Variants in CCDC148 observed in about 807,000 individuals in gnomAD.
The protein encoded by CCDC148 is coiled-coil domain-containing protein 148.
Under a neutral mutation model 85.7 loss-of-function variants are expected in CCDC148, and 89 were observed. The ratio of observed to expected loss-of-function variants is 1.04; its 90% CI spans 0.87 to 1.24. The LOEUF (loss-of-function observed/expected upper bound fraction) is 1.24. Among genes scored for constraint, CCDC148 ranks in the 50% most tolerant of loss-of-function variants. The pLI is 0.00. For missense variants in CCDC148, 692 were observed against 671.7 expected (o/e 1.03, Z -0.33); for synonymous variants, 230 against 213.9 (o/e 1.08, Z -0.66).
At chr2:158,213,199 C>A (rs1363761368) in intron 11 of CCDC148, among the ~76,000 whole-genome samples, 1 of 152,108 alleles carries the variant, frequency 6.6e-6, no homozygotes, top group Non-Finnish European at 1.5e-5. Context: ...GTTCTTAGAA[C>A]CTGTAGCATC....
At chr2:158,405,917 A>AATAC (rs10660176) in intron 1 of CCDC148, among the ~76,000 whole-genome samples, 108,522 of 151,452 alleles carry the variant, frequency 0.72, 39,676 homozygotes, top group East Asian at 0.82. Flanking sequence ...TATGTGTATA[A>AATAC]ATACAAATAT....
intron 5 of CCDC148, 72 bp from the exon 6 acceptor site, chr2:158,339,157 T>C: frequency 8.7e-7 from 1 of 1,153,622 alleles, no homozygotes; most frequent in Non-Finnish European, 1.3e-6. Flanking sequence ...AAAGACACAA[T>C]AATTATTCTC....
intron 7 of CCDC148, among the ~76,000 whole-genome samples, chr2:158,324,228 T>C (rs1446601375): frequency 6.6e-6 from 1 of 152,104 alleles, no homozygotes; most frequent in Non-Finnish European, 1.5e-5. Context: ...AGGATAACTA[T>C]TTTTATTGTT....
intron 9 of CCDC148, among the ~76,000 whole-genome samples, chr2:158,276,006 T>A (rs113140170): frequency 0.012 from 1,790 of 151,000 alleles, 19 homozygotes; most frequent in Middle Eastern, 0.076. Context: ...AAAAAAAGAG[T>A]AAATGGATTT....
intron 11 of CCDC148, among the ~76,000 whole-genome samples, chr2:158,194,342 T>C (rs113439762): frequency 1.4e-4 from 21 of 152,298 alleles, no homozygotes; most frequent in African/African-American, 4.1e-4. Flanking sequence ...ATTGTCACAG[T>C]TGGGCCATGA....
chr2:158,443,095 G>T (rs76586432), intron 1 of CCDC148, among the ~76,000 whole-genome samples: 8,204 of 151,998 alleles, frequency 0.054, 415 homozygotes, highest in African/African-American at 0.13. Context: ...TTAAGGTAGG[G>T]GTAAGGTCCT....
intron 11 of CCDC148, among the ~76,000 whole-genome samples, chr2:158,212,445 TAGAG>T (rs897128502): frequency 1.3e-5 from 2 of 152,042 alleles, no homozygotes; most frequent in African/African-American, 2.4e-5. Flanking sequence ...ACATGGAAAA[TAGAG>T]AGAAACATCT....
intron 1 of CCDC148, among the ~76,000 whole-genome samples, chr2:158,452,693 T>C (rs1472563322): frequency 1.3e-5 from 2 of 152,208 alleles, no homozygotes; most frequent in African/African-American, 4.8e-5. Context: ...AGGCAGTGGA[T>C]TGGCTACATG....
At chr2:158,453,941 G>A (rs1338387298) in intron 1 of CCDC148, among the ~76,000 whole-genome samples, 1 of 152,128 alleles carries the variant, frequency 6.6e-6, no homozygotes, top group Non-Finnish European at 1.5e-5. Flanking sequence ...TCCCAAGGTG[G>A]CCAGGCTAGC....
intron 1 of CCDC148, among the ~76,000 whole-genome samples, chr2:158,395,101 G>T (rs370842405): frequency 4.0e-5 from 6 of 151,744 alleles, no homozygotes; most frequent in African/African-American, 1.5e-4. Flanking sequence ...CTAATTCACA[G>T]CCAAAAAAAA....
At chr2:158,307,470 C>G (rs1691747510) in intron 9 of CCDC148, among the ~76,000 whole-genome samples, 1 of 152,182 alleles carries the variant, frequency 6.6e-6, no homozygotes, top group South Asian at 2.1e-4. Context: ...TTTGTATAAC[C>G]ACTTTGGAAA....
At chr2:158,277,451 T>C (rs952001844) in intron 9 of CCDC148, among the ~76,000 whole-genome samples, 1 of 152,176 alleles carries the variant, frequency 6.6e-6, no homozygotes, top group Non-Finnish European at 1.5e-5. Context: ...TATACTATGG[T>C]CATTTTTCTG....
intron 1 of CCDC148, among the ~76,000 whole-genome samples, chr2:158,375,211 C>G (rs1368386182): frequency 6.6e-6 from 1 of 151,990 alleles, no homozygotes; most frequent in Non-Finnish European, 1.5e-5. Context: ...GGACCACTTC[C>G]CAGAGCCCCT....
chr2:158,256,502 T>A (rs1163009213), intron 9 of CCDC148, among the ~76,000 whole-genome samples: 1 of 151,848 alleles, frequency 6.6e-6, no homozygotes, highest in African/African-American at 2.4e-5. Flanking sequence ...AATTAAACAT[T>A]AATATTATAT....
At position 158,443,413 on chromosome 2, in the gene CCDC148, G is replaced by T. The variant is rs531698906; in HGVS notation, c.25+13002C>A. ...CAGCTACTTAGCAGGCTGAGATGGC[G>T]GGATCATTTGAGCCTGGGAGATCAA... On this transcript the variant is annotated intron_variant, in intron 1 of 13. Coordinates refer to ENST00000283233, the MANE Select transcript of CCDC148 (RefSeq NM_138803.4). 6.0e-5 allele frequency among the ~76,000 whole-genome samples: 9 copies of T among 150,834 alleles called. No individual in the cohort carries two copies. In the South Asian group the frequency reaches 1.3e-3, roughly 21 times the overall value.
At chr2:158,390,310 G>A (rs938384116) in intron 1 of CCDC148, among the ~76,000 whole-genome samples, 2 of 152,042 alleles carry the variant, frequency 1.3e-5, no homozygotes, top group Non-Finnish European at 2.9e-5. Flanking sequence ...GACATACCAA[G>A]ACACAAAGAA....
At chr2:158,424,000 A>G (rs1686941760) in intron 1 of CCDC148, among the ~76,000 whole-genome samples, 1 of 152,230 alleles carries the variant, frequency 6.6e-6, no homozygotes, top group Non-Finnish European at 1.5e-5. Flanking sequence ...AGAAATGCAA[A>G]TCAAAACCAC....
chr2:158,418,277 T>C lies in CCDC148; in HGVS notation c.25+38138A>G, dbSNP rs151121129. ...GACTAGGTAATTTCTAAGGAATCTT[T>C]CCATTCTAAAATTTTATGATAATAT... On this transcript the variant is annotated intron_variant, in intron 1 of 13. Transcript: ENST00000283233. Among the ~76,000 whole-genome samples, 96 of 152,264 alleles carry C rather than the reference T, an allele frequency of 6.3e-4. No individual in the cohort carries two copies. In the East Asian group the frequency reaches 0.012, roughly 19 times the overall value.
chr2:158,412,306 C>G (rs1426859300), intron 1 of CCDC148, among the ~76,000 whole-genome samples: 1 of 152,166 alleles, frequency 6.6e-6, no homozygotes, highest in African/African-American at 2.4e-5. Context: ...AAATTGTACT[C>G]TAAAGCTCTC....
Sources: gnomAD v4.1 joint callset for allele counts (sites outside exome capture counted in the v4.1 genomes callset) on GRCh38, gnomAD v4.1.1 for gene constraint, MANE v1.5 for transcripts, NCBI Gene and HGNC (gene_info 2026-07-23, HGNC 2026-07-21) for gene names.